The following RASA1 variants were observed in gnomAD, a reference collection of about 807,000 sequenced individuals.
RASA1 encodes RAS p21 protein activator 1, also known as ras GTPase-activating protein 1.
In RASA1, 25 loss-of-function variants were observed where a neutral mutation model predicts 132.2. That is an observed-to-expected ratio of 0.19 (90% CI 0.14 to 0.26). The LOEUF is 0.26. RASA1 is among the 10% of genes least tolerant of loss of function. RASA1 has a pLI of 1.00. For missense variants in RASA1, 964 were observed against 1,299.2 expected, an observed-to-expected ratio of 0.74 and a Z score of 3.97; for synonymous variants, 477 against 449.9, an observed-to-expected ratio of 1.06 and a Z score of -0.76.
chr5:87,376,400 G>A lies in RASA1; in HGVS notation c.2019G>A (p.Met673Ile). 6.2e-7 allele frequency: 1 copy of A among 1,613,820 alleles called. No individual in the cohort carries two copies. Among genetic ancestry groups the A allele is most frequent in the Non-Finnish European group, 8.5e-7 (1 of 1,179,904 alleles). ...CTTGTTTTTCTTCCCAAGTATTTAT[G>A]CGCTGCCAGTTGAGCCGATTACAGA... ...KKSKDPDILF[M>I]RCQLSRLQKG... The change falls in exon 16 of 25, where the codon ATG becomes ATA. Residue 673 changes from methionine (M) to isoleucine (I), a missense_variant. By Grantham distance (10) the Met-to-Ile change is conservative. This residue lies in a region of RASA1 where 346 missense variants were observed against 520.1 expected (regional missense o/e 0.67). Coordinates refer to ENST00000274376, the MANE Select transcript of RASA1 (RefSeq NM_002890.3).
At chr5:87,297,329 G>GA (rs1427032432) in intron 1 of RASA1, among the ~76,000 whole-genome samples, 1 of 152,028 alleles carries the variant, frequency 6.6e-6, no homozygotes, top group Non-Finnish European at 1.5e-5. Flanking sequence ...ATTTTTTATT[G>GA]AAAGGTATAC....
intron 1 of RASA1, among the ~76,000 whole-genome samples, chr5:87,271,452 CTTTTTT>C (rs201918763): frequency 3.1e-4 from 12 of 38,218 alleles, no homozygotes; most frequent in African/African-American, 9.2e-4. Flanking sequence ...TAGTAGACTT[CTTTTTT>C]TTTTTTTTTT....
intron 1 of RASA1, among the ~76,000 whole-genome samples, chr5:87,285,199 C>T (rs1754496265): frequency 6.6e-6 from 1 of 151,740 alleles, no homozygotes; most frequent in African/African-American, 2.4e-5. Flanking sequence ...TCCCAAGTAG[C>T]TGGGACTACA....
intron 1 of RASA1, among the ~76,000 whole-genome samples, chr5:87,274,236 A>G (rs1753972843): frequency 6.6e-6 from 1 of 152,210 alleles, no homozygotes; most frequent in Non-Finnish European, 1.5e-5. Context: ...CCTAATATTC[A>G]GACTTCTCAA....
chr5:87,380,797 GAACA>G (rs1386619589), intron 20 of RASA1, among the ~76,000 whole-genome samples: 1 of 152,062 alleles, frequency 6.6e-6, no homozygotes, highest in African/African-American at 2.4e-5. Context: ...CTAAAAACAT[GAACA>G]TTCATTTATA....
At chr5:87,284,036 C>T (rs1033235712) in intron 1 of RASA1, among the ~76,000 whole-genome samples, 1 of 152,068 alleles carries the variant, frequency 6.6e-6, no homozygotes, top group African/African-American at 2.4e-5. Context: ...AGGTTGAAGG[C>T]CTTTTCTTTT....
chr5:87,280,997 A>G (rs1199739844), intron 1 of RASA1, among the ~76,000 whole-genome samples: 1 of 150,882 alleles, frequency 6.6e-6, no homozygotes, highest in African/African-American at 2.4e-5. Context: ...CCAGTTATCC[A>G]CTGAACATTT....
intron 1 of RASA1, among the ~76,000 whole-genome samples, chr5:87,328,251 CAGA>C (rs1561284505): frequency 6.6e-6 from 1 of 152,076 alleles, no homozygotes; most frequent in Non-Finnish European, 1.5e-5. Context: ...ATGTTACACT[CAGA>C]GTATTCTCAT....
chr5:87,285,500 G>T (rs1054391540), intron 1 of RASA1, among the ~76,000 whole-genome samples: 2 of 151,986 alleles, frequency 1.3e-5, no homozygotes, highest in Non-Finnish European at 2.9e-5. Context: ...TGAATGCTAT[G>T]GTAATGGCTT....
At chr5:87,378,371 TC>T (rs780558908) in intron 17 of RASA1, 24 bp from the exon 18 acceptor site, 2 of 1,610,638 alleles carry the variant, frequency 1.2e-6, no homozygotes. Flanking sequence ...TTACAAATAA[TC>T]TTCTAATGTA....
intron 11 of RASA1, among the ~76,000 whole-genome samples, chr5:87,367,062 A>T (rs760261172): frequency 1.1e-4 from 17 of 151,616 alleles, no homozygotes; most frequent in Admixed American, 2.6e-4. Flanking sequence ...AACAACAAAA[A>T]TTTTTTTTTC....
At chr5:87,319,181 G>GGCTGGCATTGAGTGCCTGCAACTTTT (rs1756582329) in intron 1 of RASA1, among the ~76,000 whole-genome samples, 1 of 152,206 alleles carries the variant, frequency 6.6e-6, no homozygotes, top group Non-Finnish European at 1.5e-5. Context: ...TGCTTTAATG[G>GGCTGGCATTGAGTGCCTGCAACTTTT]GCTGGCATTG....
At chr5:87,352,165 G>A (rs890516686) in intron 8 of RASA1, among the ~76,000 whole-genome samples, 2 of 151,520 alleles carry the variant, frequency 1.3e-5, no homozygotes, top group African/African-American at 4.8e-5. Flanking sequence ...TGTGGCTTGT[G>A]TTAAATGCTG....
intron 13 of RASA1, among the ~76,000 whole-genome samples, chr5:87,373,670 T>C (rs895926923): frequency 6.6e-6 from 1 of 152,170 alleles, no homozygotes; most frequent in Admixed American, 6.6e-5. Flanking sequence ...ACTTAGTTTC[T>C]TTAGGTTTGT....
chr5:87,272,421 G>A (rs1238096781), intron 1 of RASA1, among the ~76,000 whole-genome samples: 1 of 152,078 alleles, frequency 6.6e-6, no homozygotes, highest in Admixed American at 6.5e-5. Flanking sequence ...AGATTCTGAA[G>A]TTAGACAAGA....
intron 9 of RASA1, among the ~76,000 whole-genome samples, chr5:87,359,972 C>A (rs1423226175): frequency 2.0e-5 from 3 of 152,098 alleles, no homozygotes; most frequent in Non-Finnish European, 4.4e-5. Flanking sequence ...AACTCTGATT[C>A]CAGATTTGAA....
At chr5:87,320,945 A>G (rs1756748113) in intron 1 of RASA1, among the ~76,000 whole-genome samples, 1 of 152,174 alleles carries the variant, frequency 6.6e-6, no homozygotes, top group African/African-American at 2.4e-5. Flanking sequence ...GTGGCTTTTG[A>G]ATGCCATGGT....
chr5:87,270,631 G>A (rs527512683), intron 1 of RASA1, among the ~76,000 whole-genome samples: 25 of 132,298 alleles, frequency 1.9e-4, no homozygotes, highest in Non-Finnish European at 3.0e-4. Context: ...ACAGCCGTAA[G>A]CCACGGTGCC....
At chr5:87,303,778 A>G (rs897149386) in intron 1 of RASA1, among the ~76,000 whole-genome samples, 8 of 151,122 alleles carry the variant, frequency 5.3e-5, no homozygotes, top group African/African-American at 1.9e-4. Flanking sequence ...GCATACACCA[A>G]TTTCTAATGA....
Sources: gnomAD v4.1 joint callset for allele counts (sites outside exome capture counted in the v4.1 genomes callset) on GRCh38, gnomAD v4.1.1 for gene constraint, gnomAD v4.1.1 regional missense constraint, MANE v1.5 for transcripts, NCBI Gene and HGNC (gene_info 2026-07-23, HGNC 2026-07-21) for gene names.